CBLB: variants seen among roughly 807,000 people sequenced by gnomAD.
CBLB encodes the protein E3 ubiquitin-protein ligase CBL-B.
Under a neutral mutation model 104.9 loss-of-function variants are expected in CBLB, and 31 were observed. That is an observed-to-expected ratio of 0.30 (90% CI 0.22 to 0.40). CBLB has a LOEUF of 0.40. CBLB is among the 10% of genes least tolerant of loss of function. The pLI, the probability that CBLB is intolerant of heterozygous loss-of-function variation, is 1.00. For synonymous variants in CBLB, 440 were observed against 422.6 expected (o/e 1.04, Z -0.51); for missense variants, 1,062 against 1,214.6 (o/e 0.87, Z 1.87).
intron 3 of CBLB, among the ~76,000 whole-genome samples, chr3:105,804,393 C>T (rs931517464): frequency 1.3e-5 from 2 of 151,780 alleles, no homozygotes; most frequent in East Asian, 1.9e-4. Flanking sequence ...TGGTGGCAGG[C>T]GCCTGTGATC....
At chr3:105,740,370 A>ATCC in intron 7 of CBLB, 124 bp downstream of exon 7, 1 of 932,700 alleles carries the variant, frequency 1.1e-6, no homozygotes, top group South Asian at 1.4e-5. Flanking sequence ...ACTAAGGAAC[A>ATCC]TCCATTATTT....
chr3:105,717,894 C>T (rs1340577655), intron 10 of CBLB, among the ~76,000 whole-genome samples: 4 of 152,094 alleles, frequency 2.6e-5, no homozygotes, highest in Non-Finnish European at 4.4e-5. Context: ...GGTGACCTGA[C>T]GTTCTTCTAG....
At chr3:105,837,133 T>A (rs2088649958) in intron 3 of CBLB, among the ~76,000 whole-genome samples, 1 of 152,204 alleles carries the variant, frequency 6.6e-6, no homozygotes, top group South Asian at 2.1e-4. Context: ...TCATCCGTAT[T>A]AAGGAATTCC....
chr3:105,789,719 C>T (rs897955062), intron 3 of CBLB, among the ~76,000 whole-genome samples: 1 of 152,092 alleles, frequency 6.6e-6, no homozygotes, highest in African/African-American at 2.4e-5. Context: ...AATTACGCTG[C>T]CATTTAAATT....
chr3:105,830,525 G>T (rs2087337774), intron 3 of CBLB, among the ~76,000 whole-genome samples: 1 of 152,186 alleles, frequency 6.6e-6, no homozygotes, highest in Non-Finnish European at 1.5e-5. Flanking sequence ...ACAGGAGCCA[G>T]ATTAAAAACT....
intron 9 of CBLB, 101 bp from the exon 10 acceptor site, chr3:105,720,351 G>T (rs191749907): frequency 1.2e-5 from 13 of 1,112,198 alleles, no homozygotes; most frequent in African/African-American, 6.2e-5. Context: ...CCCCCAAAAA[G>T]ACTTTTTGGG....
In CBLB at chr3:105,740,515, A is replaced by G; in HGVS notation, c.962T>C (p.Ile321Thr). ...PHNKPLFQAL[I>T]DGSREGFYLY... ...TTACAATCCTTCCCTGCTGCCATCAATCAGGGCTTGAAATAAGGGCTTGTT... is the reference window on the plus strand; with the variant it reads ...TTACAATCCTTCCCTGCTGCCATCAGTCAGGGCTTGAAATAAGGGCTTGTT... The change falls in exon 7 of 19, where the codon ATT becomes ACT. Residue 321 changes from isoleucine (I) to threonine (T), a missense_variant. By Grantham distance (89) the Ile-to-Thr change is moderately conservative. This residue lies in a region of CBLB where 457 missense variants were observed against 632.0 expected (regional missense o/e 0.72). Coordinates refer to ENST00000394030, the MANE Select transcript of CBLB (RefSeq NM_170662.5). 1 of 1,614,126 alleles carries G rather than the reference A, an allele frequency of 6.2e-7. No individual in the cohort carries two copies. Among genetic ancestry groups the G allele is most frequent in the Non-Finnish European group, 8.5e-7 (1 of 1,179,998 alleles).
intron 9 of CBLB, among the ~76,000 whole-genome samples, chr3:105,729,165 G>GA (rs1384089672): frequency 1.3e-5 from 2 of 151,892 alleles, no homozygotes; most frequent in African/African-American, 4.8e-5. Context: ...TAGAAAGTAA[G>GA]AAAAAATGTC....
At position 105,665,404 on chromosome 3, in the gene CBLB, A is replaced by AT. The variant is rs1559733767; in HGVS notation, c.2689+4828_2689+4829insA. 5.4e-3 allele frequency among the ~76,000 whole-genome samples: 337 copies of AT among 62,212 alleles called. 2 individuals are homozygous for AT. The highest frequency in any genetic ancestry group is 9.6e-3 in the African/African-American group (159 of 16,588). 40.8% of individuals were successfully genotyped at this position (62,212 alleles called of 152,430 possible). On this transcript the variant is annotated intron_variant, in intron 18 of 18. Transcript: ENST00000394030. Reference sequence around the variant, plus strand: ...CTGTCTCCAAAAAAATAAATAAATAAATAAATAAATAAATATATATATATA... The same window carrying AT: ...CTGTCTCCAAAAAAATAAATAAATAATATAAATAAATAAATATATATATATA...
chr3:105,825,372 G>A (rs1470676386), intron 3 of CBLB, among the ~76,000 whole-genome samples: 1 of 152,194 alleles, frequency 6.6e-6, no homozygotes, highest in African/African-American at 2.4e-5. Context: ...GAGGACCTGG[G>A]ATGGAAAGAG....
At chr3:105,767,526 C>T (rs962579023) in intron 4 of CBLB, among the ~76,000 whole-genome samples, 1 of 148,848 alleles carries the variant, frequency 6.7e-6, no homozygotes, top group Non-Finnish European at 1.5e-5. Flanking sequence ...TCTCGGGATA[C>T]ACATAAAATA....
intron 3 of CBLB, among the ~76,000 whole-genome samples, chr3:105,793,345 C>T (rs1313649403): frequency 4.6e-5 from 7 of 151,850 alleles, no homozygotes; most frequent in Non-Finnish European, 1.5e-5. Flanking sequence ...GAGTAATAAG[C>T]CAAGGGTAAA....
chr3:105,860,736 G>T (rs1431962727), intron 2 of CBLB, among the ~76,000 whole-genome samples: 2 of 152,150 alleles, frequency 1.3e-5, no homozygotes, highest in Non-Finnish European at 2.9e-5. Flanking sequence ...CAAGGGCACT[G>T]AACAGTTTGT....
chr3:105,686,306 C>T (rs1176294329), intron 13 of CBLB, among the ~76,000 whole-genome samples: 1 of 152,046 alleles, frequency 6.6e-6, no homozygotes, highest in Non-Finnish European at 1.5e-5. Context: ...ATGAAAAATG[C>T]CAAGGCAGAA....
At position 105,658,858 on chromosome 3, in the gene CBLB, T is replaced by A; in HGVS notation, c.*112A>T. 1 of 1,175,998 alleles carries A rather than the reference T, an allele frequency of 8.5e-7. No homozygotes were observed. 72.8% of individuals were successfully genotyped at this position (1,175,998 alleles called of 1,614,324 possible). A position where few individuals can be genotyped will look rare whatever the true frequency, so the allele number is the denominator to read the frequency against. ...TGCACTCCCAAGCCTCTTCTCAAGC[T>A]GCTACACGAGGAGGAGACACTTCTC... On this transcript the variant is annotated 3_prime_UTR_variant, in exon 19 of 19. Transcript: ENST00000394030.
At position 105,868,907 on chromosome 3, in the gene CBLB, A is replaced by G. The variant is rs1706663409; in HGVS notation, c.-186T>C. The G allele has an allele frequency of 9.9e-7, 1 of 1,008,458 alleles. No homozygotes were observed. The highest frequency in any genetic ancestry group is 6.0e-5 in the Admixed American group (1 of 16,618). 62.5% of individuals were successfully genotyped at this position (1,008,458 alleles called of 1,614,324 possible). A position where few individuals can be genotyped will look rare whatever the true frequency, so the allele number is the denominator to read the frequency against. On this transcript the variant is annotated 5_prime_UTR_variant, in exon 1 of 19. Coordinates refer to ENST00000394030, the MANE Select transcript of CBLB (RefSeq NM_170662.5). The stretch of plus-strand genomic sequence containing the variant: ...GCCTCCGAGACGTGGAAACGCAACA[A>G]TTACCGTCAAGACAAATCCACACCC...
chr3:105,800,541 T>A (rs2082731248), intron 3 of CBLB, among the ~76,000 whole-genome samples: 1 of 152,140 alleles, frequency 6.6e-6, no homozygotes, highest in South Asian at 2.1e-4. Context: ...TGACTGAGAC[T>A]CACTGTCAAG....
Position 105,702,417 on chromosome 3 carries a change from C to T in CBLB, c.1636G>A (p.Ala546Thr), listed in dbSNP as rs903926169. The change falls in exon 12 of 19, where the codon GCA becomes ACA. Residue 546 changes from alanine (A) to threonine (T), a missense_variant. Around this residue, in one of 2 missense-constraint regions of CBLB, gnomAD observed 605 missense variants for 582.6 expected, o/e 1.04. Coordinates refer to ENST00000394030, the MANE Select transcript of CBLB (RefSeq NM_170662.5). ...MVRKQDKPLP[A>T]PPPPLRDPPP... ...GGATCTCTTAAGGGAGGAGGTGGTG[C>T]TGGGAGTGGTTTATCTTGTTTTCTC... The T allele has an allele frequency of 1.8e-5, 25 of 1,374,380 alleles. No individual in the cohort carries two copies. Among genetic ancestry groups the T allele is most frequent in the Non-Finnish European group, 2.3e-5 (24 of 1,035,628 alleles). 85.1% of individuals were successfully genotyped at this position (1,374,380 alleles called of 1,614,324 possible).
intron 3 of CBLB, among the ~76,000 whole-genome samples, chr3:105,817,295 T>C (rs932396281): frequency 6.6e-6 from 1 of 152,124 alleles, no homozygotes; most frequent in African/African-American, 2.4e-5. Flanking sequence ...AAGGGAAGGA[T>C]GAAATAACAC....
Sources: gnomAD v4.1 joint callset for allele counts (sites outside exome capture counted in the v4.1 genomes callset) on GRCh38, gnomAD v4.1.1 for gene constraint, gnomAD v4.1.1 regional missense constraint, MANE v1.5 for transcripts, NCBI Gene and HGNC (gene_info 2026-07-23, HGNC 2026-07-21) for gene names.